Variants in GPC1 observed in about 807,000 individuals in gnomAD.
GPC1 encodes glypican 1.
In GPC1, 26 loss-of-function variants were observed where a neutral mutation model predicts 51.5. The ratio of observed to expected loss-of-function variants is 0.50; its 90% CI spans 0.37 to 0.70. The LOEUF (loss-of-function observed/expected upper bound fraction) is 0.70. Among genes scored for constraint, GPC1 ranks in the 30% least tolerant of loss-of-function variants. The pLI is 0.00. For missense variants in GPC1, 775 were observed against 800.5 expected, an observed-to-expected ratio of 0.97 and a Z score of 0.38; for synonymous variants, 380 against 348.3, an observed-to-expected ratio of 1.09 and a Z score of -1.01.
At chr2:240,464,828 C>T (rs911683976) in intron 5 of GPC1, 28 bp from the exon 6 acceptor site, 4 of 1,561,998 alleles carry the variant, frequency 2.6e-6, no homozygotes, top group Admixed American at 1.9e-5. Context: ...CCCCACTACC[C>T]CCCAAGGACC....
chr2:240,460,835 C>T (rs1438104325), intron 2 of GPC1, among the ~76,000 whole-genome samples: 1 of 152,206 alleles, frequency 6.6e-6, no homozygotes, highest in Non-Finnish European at 1.5e-5. Context: ...CACCCCTGCC[C>T]ATGGCAGCTG....
At position 240,459,724 on chromosome 2, in the gene GPC1, G is replaced by A. The variant is rs147893207; in HGVS notation, c.325+536G>A. 4.5e-3 allele frequency among the ~76,000 whole-genome samples: 687 copies of A among 152,286 alleles called. 5 individuals are homozygous for A. The highest frequency in any genetic ancestry group is 5.3e-3 in the Non-Finnish European group (359 of 67,998). On this transcript the variant is annotated intron_variant, in intron 2 of 8. Transcript: ENST00000264039. ...CTGGGGGCCGCGGGGAGTGACCCCT[G>A]CAGGCCTTGAGGCCCCGCCAGCTGC...
chr2:240,466,475 A>G lies in GPC1; in HGVS notation c.*185A>G, dbSNP rs940229387. 48 of 580,376 alleles carry G rather than the reference A, an allele frequency of 8.3e-5. No individual in the cohort carries two copies. The highest frequency in any genetic ancestry group is 1.4e-4 in the Non-Finnish European group (47 of 325,758). The allele number at this position is 580,376 out of a possible 1,614,324, so 36.0% of individuals were successfully genotyped here. A position where few individuals can be genotyped will look rare whatever the true frequency, so the allele number is the denominator to read the frequency against. On this transcript the variant is annotated 3_prime_UTR_variant, in exon 9 of 9. Transcript: ENST00000264039. ...GGCCTCGCCTGCCTTTCTGCCTTTT[A>G]ATTTTGTATGAGGTCCTCAGGTCAG...
chr2:240,447,652 T>G (rs1436651133), intron 1 of GPC1, among the ~76,000 whole-genome samples: 1 of 152,184 alleles, frequency 6.6e-6, no homozygotes, highest in East Asian at 1.9e-4. Context: ...GCCAACCTGC[T>G]GGGGGTCAAA....
intron 2 of GPC1, among the ~76,000 whole-genome samples, chr2:240,459,991 A>C (rs905824678): frequency 6.6e-6 from 1 of 152,054 alleles, no homozygotes; most frequent in African/African-American, 2.4e-5. Context: ...GGGAGCGCTG[A>C]GGCTGCAGGG....
intron 1 of GPC1, among the ~76,000 whole-genome samples, chr2:240,446,750 G>A (rs1217052482): frequency 2.0e-5 from 3 of 152,184 alleles, no homozygotes; most frequent in Non-Finnish European, 4.4e-5. Flanking sequence ...TGGAGCACTG[G>A]GGGCCAGCTC....
At chr2:240,450,685 G>C (rs1251046857) in intron 1 of GPC1, 2 of 469,654 alleles carry the variant, frequency 4.3e-6, no homozygotes, top group Admixed American at 4.7e-5. Flanking sequence ...GCTGGCTTGG[G>C]GGGGTGTGGC....
In GPC1 at chr2:240,466,572, C is replaced by G; in HGVS notation, c.*282C>G. ...GGCACCTCCGGCTGCCTAGCCCTCC[C>G]CCCAGCTCCCTGCACCGCCGCAGAA... On this transcript the variant is annotated 3_prime_UTR_variant, in exon 9 of 9. Coordinates refer to ENST00000264039, the MANE Select transcript of GPC1 (RefSeq NM_002081.3). 2.2e-6 allele frequency: 1 copy of G among 462,760 alleles called. No individual in the cohort carries two copies. Among genetic ancestry groups the G allele is most frequent in the South Asian group, 3.6e-5 (1 of 27,566 alleles). The allele number at this position is 462,760 out of a possible 1,614,324, so 28.7% of individuals were successfully genotyped here.
chr2:240,459,348 C>A (rs906546052), intron 2 of GPC1, among the ~76,000 whole-genome samples, 160 bp downstream of exon 2: 1 of 152,156 alleles, frequency 6.6e-6, no homozygotes, highest in Non-Finnish European at 1.5e-5. Context: ...GTTGAAGCCC[C>A]AGCTGGGATT....
intron 1 of GPC1, 87 bp from the exon 2 acceptor site, chr2:240,458,943 C>A: frequency 7.7e-7 from 1 of 1,295,296 alleles, no homozygotes; most frequent in Non-Finnish European, 1.1e-6. Flanking sequence ...CCTGGGTCTG[C>A]CATCCTGCCC....
intron 1 of GPC1, chr2:240,457,588 G>A (rs919797314): frequency 7.3e-6 from 3 of 411,930 alleles, no homozygotes; most frequent in South Asian, 5.2e-5. Flanking sequence ...TGCCTGCGCT[G>A]CTCCAGGCCC....
In GPC1 at chr2:240,462,721, T is replaced by A. The variant is rs1207922945; in HGVS notation, c.717+139T>A. ...TCTGACCTCAGCCCCACAGCCTCAG[T>A]CCCTCCTGCATTGGCTGCTGCCCAT... On this transcript the variant is annotated intron_variant, in intron 3 of 8. Coordinates refer to ENST00000264039, the MANE Select transcript of GPC1 (RefSeq NM_002081.3). The A allele has an allele frequency of 6.9e-6, 5 of 724,506 alleles. No individual in the cohort carries two copies. In the African/African-American group the frequency reaches 7.1e-5, roughly 10 times the overall value. 44.9% of individuals were successfully genotyped at this position (724,506 alleles called of 1,614,324 possible).
intron 1 of GPC1, among the ~76,000 whole-genome samples, chr2:240,440,029 G>A (rs901337152): frequency 2.6e-5 from 4 of 152,160 alleles, no homozygotes; most frequent in African/African-American, 9.7e-5. Context: ...TCCCATCCCC[G>A]GTGTCCCCGG....
intron 1 of GPC1, among the ~76,000 whole-genome samples, chr2:240,457,073 C>CGCTCTG (rs1307816088): frequency 8.5e-5 from 13 of 152,156 alleles, no homozygotes; most frequent in African/African-American, 2.7e-4. Context: ...TTGCCATTCC[C>CGCTCTG]GCTCTGTCTG....
At chr2:240,450,520 A>C (rs1194453826) in intron 1 of GPC1, 5 of 449,340 alleles carry the variant, frequency 1.1e-5, no homozygotes, top group South Asian at 7.9e-5. Context: ...TGAAGATGAA[A>C]TGACTCGGCT....
At chr2:240,460,783 A>G (rs1263545911) in intron 2 of GPC1, among the ~76,000 whole-genome samples, 1 of 152,036 alleles carries the variant, frequency 6.6e-6, no homozygotes, top group Non-Finnish European at 1.5e-5. Context: ...CCCCTACCCC[A>G]GGGAGTCTTG....
At position 240,464,981 on chromosome 2, in the gene GPC1, T is replaced by A. The variant is rs777870553; in HGVS notation, c.1134+6T>A. ...CAGGCACGCTGGAGAAGCTGGTGAG[T>A]GGCCCCTGCGTGTCCACTGGACCAG... On this transcript the variant is annotated splice_donor_region_variant and intron_variant, in intron 6 of 8. Transcript: ENST00000264039. 7.1e-6 allele frequency: 11 copies of A among 1,557,340 alleles called. No individual in the cohort carries two copies. The African/African-American group carries it at 1.1e-4, about 15-fold the overall frequency.
intron 1 of GPC1, chr2:240,455,067 TG>T: frequency 5.7e-6 from 1 of 173,922 alleles, no homozygotes; most frequent in Non-Finnish European, 1.4e-5. Context: ...AGCAGCAGAG[TG>T]GGGTGGTCCA....
rs138916099 is a variant in GPC1, at chr2:240,464,697, C to T, written c.965C>T (p.Ala322Val). 1.3e-4 allele frequency: 202 copies of T among 1,611,772 alleles called. 3 individuals are homozygous for T. The highest frequency in any genetic ancestry group is 1.1e-3 in the South Asian group (97 of 90,940). ...SVIGSVHTWLAEAINALQDNR... is the reference protein window; with the variant it reads ...SVIGSVHTWLVEAINALQDNR... ...ATCGGCAGCGTGCACACGTGGCTGG[C>T]GGAGGCCATCAACGCCCTCCAGGAC... Residue 322 changes from alanine (A) to valine (V), a missense_variant, in exon 5 of 9, where the codon GCG becomes GTG. Ala to Val is a moderately conservative substitution (Grantham distance 64). Transcript: ENST00000264039.
Sources: allele counts gnomAD v4.1 joint callset (sites outside exome capture counted in the v4.1 genomes callset), GRCh38; gene constraint gnomAD v4.1.1; transcripts MANE v1.5; gene names NCBI Gene and HGNC (gene_info 2026-07-23, HGNC 2026-07-21).